Variants in TXLNB observed in about 807,000 individuals in gnomAD.
TXLNB encodes the protein taxilin beta, also known as beta-taxilin.
Under a neutral mutation model 57.4 loss-of-function variants are expected in TXLNB, and 37 were observed. The ratio of observed to expected loss-of-function variants is 0.64; its 90% CI spans 0.50 to 0.85. The LOEUF is 0.85. TXLNB is among the 40% of genes least tolerant of loss of function. TXLNB has a pLI of 0.00. For synonymous variants in TXLNB, 302 were observed against 309.6 expected, an observed-to-expected ratio of 0.98 and a Z score of 0.26; for missense variants, 848 against 825.6, an observed-to-expected ratio of 1.03 and a Z score of -0.33.
chr6:139,180,608 C>G, the TXLNB span: 1 of 152,614 alleles, frequency 6.6e-6, no homozygotes, highest in South Asian at 2.1e-4. Context: ...TTAAAACCAG[C>G]TCAAAAATAA....
downstream of TXLNB, among the ~76,000 whole-genome samples, chr6:139,239,887 C>T (rs368154093): frequency 9.2e-5 from 14 of 152,136 alleles, no homozygotes; most frequent in East Asian, 2.1e-3. The surrounding 1 kb of genome is among the most constrained non-coding windows in gnomAD (Gnocchi z 4.7). Flanking sequence ...CACACACACC[C>T]CCGCCCCCAA....
At chr6:139,221,491 T>C in the TXLNB span, among the ~76,000 whole-genome samples, 1 of 152,172 alleles carries the variant, frequency 6.6e-6, no homozygotes, top group Non-Finnish European at 1.5e-5. Context: ...TCTTTTTTTT[T>C]CTCCAGAAAC....
At chr6:139,261,440 T>C (rs541983452) in intron 5 of TXLNB, among the ~76,000 whole-genome samples, 39 of 152,222 alleles carry the variant, frequency 2.6e-4, no homozygotes, top group African/African-American at 8.9e-4. Flanking sequence ...AATCTTAGCA[T>C]GTTACCAACA....
intron 2 of TXLNB, chr6:139,283,018 A>G (rs1402251400): frequency 6.9e-6 from 1 of 145,648 alleles, no homozygotes; most frequent in African/African-American, 2.5e-5. Context: ...GGAGGATGCG[A>G]GTAGGAGAAC....
the TXLNB span, chr6:139,177,223 G>A: frequency 8.1e-6 from 5 of 619,064 alleles, no homozygotes; most frequent in East Asian, 8.4e-5. This position sits in a 1 kb window ranked among gnomAD's most constrained non-coding sequence, Gnocchi z 4.9. Context: ...GAGTTACTTT[G>A]TTGTATGTGT....
chr6:139,270,064 C>T (rs1047267658), intron 4 of TXLNB, among the ~76,000 whole-genome samples: 4 of 152,076 alleles, frequency 2.6e-5, no homozygotes, highest in Non-Finnish European at 4.4e-5. Flanking sequence ...CATTATAACA[C>T]CAAAAATGCT....
intron 3 of TXLNB, among the ~76,000 whole-genome samples, chr6:139,275,926 A>G (rs1009304355): frequency 2.6e-5 from 4 of 152,086 alleles, no homozygotes; most frequent in African/African-American, 9.7e-5. Flanking sequence ...GCCTGGAGGG[A>G]TTTTTTGCTA....
At chr6:139,259,271 T>C (rs1338153643) in intron 6 of TXLNB, among the ~76,000 whole-genome samples, 1 of 152,198 alleles carries the variant, frequency 6.6e-6, no homozygotes, top group Non-Finnish European at 1.5e-5. Context: ...TCACTTCCTT[T>C]GCAGAAGCAC....
At chr6:139,304,782 A>G in the TXLNB span, among the ~76,000 whole-genome samples, 1 of 152,006 alleles carries the variant, frequency 6.6e-6, no homozygotes, top group African/African-American at 2.4e-5. Flanking sequence ...TCATAAACCA[A>G]CTCTCACCGC....
At chr6:139,167,449 G>A in the TXLNB span, 2 of 795,726 alleles carry the variant, frequency 2.5e-6, no homozygotes, top group Non-Finnish European at 3.9e-6. Context: ...CAGGTGCTAG[G>A]TAACATTTGA....
At chr6:139,272,034 C>T (rs1029132221) in intron 3 of TXLNB, among the ~76,000 whole-genome samples, 4 of 152,128 alleles carry the variant, frequency 2.6e-5, no homozygotes, top group Non-Finnish European at 5.9e-5. Flanking sequence ...TGGGGCTGGG[C>T]GTGGTGGCTC....
At chr6:139,167,045 C>T in the TXLNB span, 9 of 1,614,174 alleles carry the variant, frequency 5.6e-6, no homozygotes, top group East Asian at 2.2e-5. Flanking sequence ...GCAGTTCCTT[C>T]GGCGGCTGGA....
chr6:139,277,246 A>G (rs886886824), intron 2 of TXLNB: 1 of 196,900 alleles, frequency 5.1e-6, no homozygotes, highest in African/African-American at 2.3e-5. Context: ...AAAAGATTTT[A>G]TACATCAAAA....
the TXLNB span, among the ~76,000 whole-genome samples, chr6:139,215,709 A>AT: frequency 2.6e-5 from 4 of 152,052 alleles, no homozygotes; most frequent in African/African-American, 9.7e-5. Flanking sequence ...ATGGGAGAAA[A>AT]TTTTTGCAAC....
At chr6:139,192,040 T>C in the TXLNB span, among the ~76,000 whole-genome samples, 2 of 152,228 alleles carry the variant, frequency 1.3e-5, no homozygotes, top group Non-Finnish European at 2.9e-5. Context: ...TTAGGAAACT[T>C]CAATGGACTT....
At chr6:139,211,168 G>A in the TXLNB span, among the ~76,000 whole-genome samples, 134 of 152,300 alleles carry the variant, frequency 8.8e-4, no homozygotes, top group African/African-American at 3.0e-3. Context: ...ATCTGAGAAC[G>A]GGCAGACTGC....
At chr6:139,187,518 AT>A in the TXLNB span, among the ~76,000 whole-genome samples, 19,300 of 150,756 alleles carry the variant, frequency 0.13, 1,517 homozygotes, top group Non-Finnish European at 0.17. Context: ...TCAAAACAGT[AT>A]TTTTTTTTTA....
At chr6:139,304,800 C>T in the TXLNB span, among the ~76,000 whole-genome samples, 1 of 152,066 alleles carries the variant, frequency 6.6e-6, no homozygotes. Flanking sequence ...CGCTGGTCTC[C>T]GTATATCTGT....
At chr6:139,168,744 T>G in the TXLNB span, among the ~76,000 whole-genome samples, 1 of 152,228 alleles carries the variant, frequency 6.6e-6, no homozygotes, top group Admixed American at 6.5e-5. Context: ...CCCCAGGAGC[T>G]TTTTGAGAAA....
Sources: gnomAD v4.1 joint callset for allele counts (sites outside exome capture counted in the v4.1 genomes callset) on GRCh38, gnomAD v4.1.1 for gene constraint, Gnocchi (gnomAD v3.1) non-coding constraint, MANE v1.5 for transcripts, NCBI Gene and HGNC (gene_info 2026-07-23, HGNC 2026-07-21) for gene names.